VPS53: variants seen among roughly 807,000 people sequenced by gnomAD.
VPS53 encodes the protein vacuolar protein sorting-associated protein 53 homolog.
Under a neutral mutation model 107.0 loss-of-function variants are expected in VPS53, and 70 were observed. That is an observed-to-expected ratio of 0.65 (90% CI 0.54 to 0.80). The LOEUF (loss-of-function observed/expected upper bound fraction) is 0.80. Ranked by LOEUF, VPS53 falls within the 30% of genes least tolerant of loss-of-function variation. The pLI, the probability that VPS53 is intolerant of heterozygous loss-of-function variation, is 0.00. For missense variants in VPS53, 917 were observed against 1,049.4 expected, an observed-to-expected ratio of 0.87 and a Z score of 1.74; for synonymous variants, 409 against 393.3, an observed-to-expected ratio of 1.04 and a Z score of -0.47.
intron 5 of VPS53, among the ~76,000 whole-genome samples, chr17:660,559 G>A (rs931931003): frequency 6.6e-6 from 1 of 152,180 alleles, no homozygotes; most frequent in Non-Finnish European, 1.5e-5. Context: ...ATCAACTCCA[G>A]CAAAAGCAGC....
chr17:548,125 G>A (rs1911391866), intron 17 of VPS53, among the ~76,000 whole-genome samples: 4 of 152,306 alleles, frequency 2.6e-5, no homozygotes, highest in East Asian at 3.9e-4. Context: ...ACATGGCTGC[G>A]ACTGGAGAAC....
chr17:558,476 A>T (rs942113046), intron 15 of VPS53, among the ~76,000 whole-genome samples: 1 of 151,208 alleles, frequency 6.6e-6, no homozygotes, highest in Non-Finnish European at 1.5e-5. Flanking sequence ...TACTAAAAAT[A>T]AAAAAAAATT....
chr17:679,297 C>T (rs1443524201), intron 4 of VPS53, among the ~76,000 whole-genome samples: 6 of 151,826 alleles, frequency 4.0e-5, no homozygotes, highest in African/African-American at 9.7e-5. Context: ...GCGCAGATCA[C>T]GAGGTCAGGA....
At chr17:638,660 C>T (rs1383198219) in intron 7 of VPS53, among the ~76,000 whole-genome samples, 1 of 152,088 alleles carries the variant, frequency 6.6e-6, no homozygotes, top group Non-Finnish European at 1.5e-5. Flanking sequence ...GATTTTATTT[C>T]TCCTTCACTT....
At chr17:604,568 T>A (rs1968478153) in intron 11 of VPS53, among the ~76,000 whole-genome samples, 1 of 152,158 alleles carries the variant, frequency 6.6e-6, no homozygotes, top group South Asian at 2.1e-4. Context: ...CTCAGCCTCC[T>A]GAGTAGCTGG....
At position 664,227 on chromosome 17, in the gene VPS53, T is replaced by C. The variant is rs551005382; in HGVS notation, c.286-2332A>G. On this transcript the variant is annotated intron_variant, in intron 4 of 21. Transcript: ENST00000437048. ...CCGAGTAGCTGGGACTACAGGCACC[T>C]GCCACCACACCTGGCTAATTTTTTG... 8.5e-5 allele frequency among the ~76,000 whole-genome samples: 13 copies of C among 152,212 alleles called. No individual in the cohort carries two copies. The South Asian group carries it at 1.2e-3, about 15-fold the overall frequency.
chr17:652,035 C>T (rs1396974158), intron 7 of VPS53, among the ~76,000 whole-genome samples: 16 of 149,208 alleles, frequency 1.1e-4, no homozygotes, highest in Non-Finnish European at 2.4e-4. Flanking sequence ...CTCACCCTGT[C>T]GCCCAGGCTA....
At chr17:642,219 A>G (rs912007409) in intron 7 of VPS53, among the ~76,000 whole-genome samples, 5 of 152,218 alleles carry the variant, frequency 3.3e-5, no homozygotes, top group African/African-American at 1.2e-4. Flanking sequence ...CAGACACCAT[A>G]AAGAATCTCA....
rs574476685 is a variant in VPS53, at chr17:654,476, A to C, written c.489-1066T>G. Among the ~76,000 whole-genome samples the C allele has an allele frequency of 8.3e-4, 126 of 151,578 alleles. 1 individual carries two copies. Among genetic ancestry groups the C allele is most frequent in the Non-Finnish European group, 1.5e-3 (100 of 67,876 alleles). On this transcript the variant is annotated intron_variant, in intron 6 of 21. Transcript: ENST00000437048. Reference sequence around the variant, plus strand: ...AGGATTGGCCGGGCGCGGTGGCTCAAGCCTGTAATCCCAGCACTTTGGGAG... The same window carrying C: ...AGGATTGGCCGGGCGCGGTGGCTCACGCCTGTAATCCCAGCACTTTGGGAG...
intron 4 of VPS53, among the ~76,000 whole-genome samples, chr17:667,142 T>C (rs969722917): frequency 6.6e-6 from 1 of 152,168 alleles, no homozygotes; most frequent in Non-Finnish European, 1.5e-5. Context: ...CGAAACTCAT[T>C]AATAATACTT....
intron 12 of VPS53, among the ~76,000 whole-genome samples, chr17:600,304 TG>T (rs1968268929): frequency 6.6e-6 from 1 of 152,210 alleles, no homozygotes; most frequent in Non-Finnish European, 1.5e-5. Flanking sequence ...CTAGCATTCG[TG>T]AGACATCAGG....
intron 19 of VPS53, among the ~76,000 whole-genome samples, chr17:526,614 C>A (rs1430953306): frequency 6.7e-6 from 1 of 149,176 alleles, no homozygotes; most frequent in African/African-American, 2.4e-5. Flanking sequence ...GATAATTCAT[C>A]TTCTTAGGCA....
intron 13 of VPS53, among the ~76,000 whole-genome samples, chr17:572,520 G>A (rs1173156106): frequency 6.6e-6 from 1 of 152,002 alleles, no homozygotes; most frequent in East Asian, 1.9e-4. Context: ...CAGCGCGTCT[G>A]GGACGTGTGC....
chr17:688,444 C>T (rs1389509352), intron 4 of VPS53, among the ~76,000 whole-genome samples: 4 of 152,132 alleles, frequency 2.6e-5, no homozygotes, highest in South Asian at 2.1e-4. Context: ...TAAATTACCC[C>T]GTCTAAGGTA....
chr17:701,308 A>G (rs1439773026), intron 2 of VPS53, among the ~76,000 whole-genome samples: 1 of 151,246 alleles, frequency 6.6e-6, no homozygotes, highest in Non-Finnish European at 1.5e-5. Context: ...CCTGGGCTAA[A>G]CAGCCCTGTC....
chr17:573,012 C>A (rs1352297787), intron 13 of VPS53, among the ~76,000 whole-genome samples: 1 of 151,438 alleles, frequency 6.6e-6, no homozygotes, highest in Non-Finnish European at 1.5e-5. Context: ...GAGAAACACC[C>A]AAGAATGATC....
chr17:625,904 A>T (rs1171369098), intron 10 of VPS53, among the ~76,000 whole-genome samples: 1 of 152,168 alleles, frequency 6.6e-6, no homozygotes, highest in African/African-American at 2.4e-5. Context: ...CCAGCATTAG[A>T]TCTAACTGTG....
At chr17:674,198 A>G (rs1402356369) in intron 4 of VPS53, 3 of 152,222 alleles carry the variant, frequency 2.0e-5, no homozygotes, top group Non-Finnish European at 4.4e-5. Flanking sequence ...AAGAAATTCA[A>G]TATTTTTGGA....
intron 17 of VPS53, among the ~76,000 whole-genome samples, chr17:544,289 T>A (rs1461718887): frequency 1.3e-5 from 2 of 152,214 alleles, no homozygotes; most frequent in Non-Finnish European, 2.9e-5. Flanking sequence ...GGGCACATGC[T>A]GACAGAAATG....
Sources: allele counts gnomAD v4.1 joint callset (sites outside exome capture counted in the v4.1 genomes callset), GRCh38; gene constraint gnomAD v4.1.1; transcripts MANE v1.5; gene names NCBI Gene and HGNC (gene_info 2026-07-23, HGNC 2026-07-21).